Variants in DLC1 observed in about 807,000 individuals in gnomAD.
The protein encoded by DLC1 is rho GTPase-activating protein 7.
DLC1 carries 54 observed loss-of-function variants against 140.3 expected under a neutral mutation model. The observed-to-expected ratio is 0.38, with a 90% CI of 0.31 to 0.48. The LOEUF (loss-of-function observed/expected upper bound fraction) is 0.48, where lower values mean the gene tolerates loss of function less well. Ranked by LOEUF, DLC1 falls within the 20% of genes least tolerant of loss-of-function variation. The pLI is 0.96. For missense variants in DLC1, 2,536 were observed against 1,907.0 expected (o/e 1.33, Z -6.14); for synonymous variants, 986 against 728.1 (o/e 1.35, Z -5.70).
intron 1 of DLC1, among the ~76,000 whole-genome samples, chr8:13,506,500 G>C (rs1802070207): frequency 6.7e-6 from 1 of 148,270 alleles, no homozygotes; most frequent in South Asian, 2.1e-4. Flanking sequence ...TAAATTTCTA[G>C]GTCGTGTTCT....
chr8:13,244,032 A>C (rs1476996241), intron 5 of DLC1, among the ~76,000 whole-genome samples: 1 of 152,138 alleles, frequency 6.6e-6, no homozygotes, highest in African/African-American at 2.4e-5. Flanking sequence ...TCCTTCAAGC[A>C]CCCAAGGTAG....
At chr8:13,144,163 A>T (rs773898470) in intron 5 of DLC1, among the ~76,000 whole-genome samples, 7 of 152,212 alleles carry the variant, frequency 4.6e-5, no homozygotes, top group Non-Finnish European at 8.8e-5. Flanking sequence ...TGTCCAATCA[A>T]CTGAGCACCC....
At chr8:13,387,050 T>A (rs1041302654) in intron 4 of DLC1, among the ~76,000 whole-genome samples, 3 of 152,090 alleles carry the variant, frequency 2.0e-5, no homozygotes, top group African/African-American at 7.2e-5. Context: ...ACTGTATTAA[T>A]TCAAATTTTT....
chr8:13,309,660 G>A (rs1046192124), intron 4 of DLC1, among the ~76,000 whole-genome samples: 32 of 152,304 alleles, frequency 2.1e-4, no homozygotes, highest in African/African-American at 7.7e-4. Flanking sequence ...ACATGGAAAT[G>A]TTCTAAACAT....
chr8:13,594,013 A>G (rs1805605979), intron 1 of DLC1, among the ~76,000 whole-genome samples: 1 of 152,058 alleles, frequency 6.6e-6, no homozygotes, highest in African/African-American at 2.4e-5. Context: ...ATAAAAAGTT[A>G]TCTGGACATG....
At chr8:13,165,065 C>T (rs1265921218) in intron 5 of DLC1, among the ~76,000 whole-genome samples, 2 of 152,142 alleles carry the variant, frequency 1.3e-5, no homozygotes. Flanking sequence ...ATTGGTTTCT[C>T]TTTCTACTAG....
At chr8:13,456,225 G>A (rs1408457435) in intron 2 of DLC1, among the ~76,000 whole-genome samples, 2 of 152,140 alleles carry the variant, frequency 1.3e-5, no homozygotes, top group Non-Finnish European at 2.9e-5. Flanking sequence ...GTTACTGAAT[G>A]TTGCATTGCT....
intron 5 of DLC1, among the ~76,000 whole-genome samples, chr8:13,188,819 A>ATATATG (rs1826554303): frequency 3.8e-5 from 4 of 105,254 alleles, no homozygotes; most frequent in Non-Finnish European, 5.4e-5. Context: ...ATATATATAT[A>ATATATG]TATATATGTA....
At chr8:13,180,777 T>G (rs920072026) in intron 5 of DLC1, among the ~76,000 whole-genome samples, 2 of 152,200 alleles carry the variant, frequency 1.3e-5, no homozygotes, top group African/African-American at 4.8e-5. Context: ...AACCATCACA[T>G]GAAATTAAGT....
At chr8:13,154,145 CCCCAGCAGA>C (rs928411543) in intron 5 of DLC1, among the ~76,000 whole-genome samples, 1 of 152,226 alleles carries the variant, frequency 6.6e-6, no homozygotes, top group Non-Finnish European at 1.5e-5. Context: ...TTCTCCAAGT[CCCCAGCAGA>C]CCCAGAAGCC....
chr8:13,154,287 G>T (rs1824074504), intron 5 of DLC1, among the ~76,000 whole-genome samples: 1 of 152,226 alleles, frequency 6.6e-6, no homozygotes, highest in Non-Finnish European at 1.5e-5. Flanking sequence ...GCCTGCGGGA[G>T]CCCGCTGCGG....
chr8:13,346,241 G>T (rs1834333520), intron 4 of DLC1, among the ~76,000 whole-genome samples: 1 of 152,170 alleles, frequency 6.6e-6, no homozygotes, highest in Admixed American at 6.5e-5. Context: ...ACAATTTTTT[G>T]ATGTAAAGGG....
At position 13,560,442 on chromosome 8, in the gene DLC1, C is replaced by T. The variant is rs981467215; in HGVS notation, c.-126+44095G>A. Among the ~76,000 whole-genome samples, 4 of 142,708 alleles carry T rather than the reference C, an allele frequency of 2.8e-5. No individual in the cohort carries two copies. The East Asian group carries it at 8.5e-4, about 30-fold the overall frequency. The allele number at this position is 142,708 out of a possible 152,430, so 93.6% of individuals were successfully genotyped here. A position where few individuals can be genotyped will look rare whatever the true frequency, so the allele number is the denominator to read the frequency against. ...CTCACAAGGCCCCCACAGATGTTCA[C>T]CTAAAATAAAGATACTTCTTAATGA... On this transcript the variant is annotated intron_variant, in intron 1 of 1. Transcript: ENST00000631382.
chr8:13,192,413 A>T (rs1563153031), intron 5 of DLC1, among the ~76,000 whole-genome samples: 1 of 152,198 alleles, frequency 6.6e-6, no homozygotes, highest in Non-Finnish European at 1.5e-5. Flanking sequence ...AATCACAGGA[A>T]GTTACCAGAG....
chr8:13,534,286 A>G (rs1048247719), intron 1 of DLC1, among the ~76,000 whole-genome samples: 1 of 152,136 alleles, frequency 6.6e-6, no homozygotes, highest in African/African-American at 2.4e-5. Context: ...AAAGCTTCAC[A>G]TGTTTGCACT....
intron 2 of DLC1, among the ~76,000 whole-genome samples, chr8:13,424,784 A>G (rs1185746134): frequency 6.6e-6 from 1 of 152,146 alleles, no homozygotes; most frequent in African/African-American, 2.4e-5. Context: ...CATGTTAGCC[A>G]GGATGGTCTT....
At chr8:13,466,440 C>G (rs188508372) in intron 2 of DLC1, among the ~76,000 whole-genome samples, 9 of 152,224 alleles carry the variant, frequency 5.9e-5, no homozygotes, top group Non-Finnish European at 1.2e-4. Flanking sequence ...CCAGAGCTCT[C>G]CTACAGAGTC....
intron 2 of DLC1, among the ~76,000 whole-genome samples, chr8:13,439,644 C>T (rs1014566876): frequency 5.1e-4 from 78 of 152,202 alleles, no homozygotes; most frequent in African/African-American, 1.8e-3. Flanking sequence ...AAAATCTAGA[C>T]CAGTTATTAT....
chr8:13,467,899 C>G (rs531680250), intron 2 of DLC1, among the ~76,000 whole-genome samples: 1 of 152,082 alleles, frequency 6.6e-6, no homozygotes, highest in African/African-American at 2.4e-5. Flanking sequence ...CCATTTATTC[C>G]TGGGATAAAC....
Sources: gnomAD v4.1 joint callset for allele counts (sites outside exome capture counted in the v4.1 genomes callset) on GRCh38, gnomAD v4.1.1 for gene constraint, MANE v1.5 for transcripts, NCBI Gene and HGNC (gene_info 2026-07-23, HGNC 2026-07-21) for gene names.